Variants in ZDHHC17 observed in about 807,000 individuals in gnomAD.
ZDHHC17 encodes the protein palmitoyltransferase ZDHHC17.
In ZDHHC17, 40 loss-of-function variants were observed where a neutral mutation model predicts 90.3. The observed-to-expected ratio is 0.44, with a 90% confidence interval of 0.34 to 0.58. The LOEUF (loss-of-function observed/expected upper bound fraction) is 0.58. Among genes scored for constraint, ZDHHC17 ranks in the 20% least tolerant of loss-of-function variants. The pLI is 0.01. For missense variants in ZDHHC17, 614 were observed against 780.8 expected, an observed-to-expected ratio of 0.79 and a Z score of 2.55; for synonymous variants, 235 against 252.4, an observed-to-expected ratio of 0.93 and a Z score of 0.65.
intron 7 of ZDHHC17, among the ~76,000 whole-genome samples, chr12:76,821,336 G>A (rs1953160841): frequency 6.6e-6 from 1 of 152,054 alleles, no homozygotes; most frequent in African/African-American, 2.4e-5. Context: ...GATTGGTTGG[G>A]CTTTTTGTTG....
At chr12:76,774,167 T>C (rs933773952) in intron 1 of ZDHHC17, among the ~76,000 whole-genome samples, 1 of 152,100 alleles carries the variant, frequency 6.6e-6, no homozygotes, top group Admixed American at 6.5e-5. Flanking sequence ...GGAGGATTGC[T>C]TGAACCCAGG....
intron 2 of ZDHHC17, 34 bp from the exon 3 acceptor site, chr12:76,805,279 TTAAA>T (rs1199992058): frequency 6.6e-7 from 1 of 1,510,274 alleles, no homozygotes; most frequent in Non-Finnish European, 9.0e-7. Context: ...ACATTTCTTG[TTAAA>T]TAATAACAAT....
intron 1 of ZDHHC17, among the ~76,000 whole-genome samples, chr12:76,766,454 A>T (rs1334494473): frequency 1.3e-5 from 2 of 152,224 alleles, no homozygotes; most frequent in East Asian, 3.8e-4. Context: ...ATCATTTATA[A>T]TGGATAAAAA....
chr12:76,845,099 T>C lies in ZDHHC17; in HGVS notation c.1330-610T>C, dbSNP rs541481037. On this transcript the variant is annotated intron_variant, in intron 12 of 16. Coordinates refer to ENST00000426126, the MANE Select transcript of ZDHHC17 (RefSeq NM_015336.4). ...CTTAAGCATGTTCTGCATTCTTAAA[T>C]ATGGTCATTTCAGCAGGAGAAATGC... 2.0e-5 allele frequency: 3 copies of C among 152,250 alleles called. No homozygotes were observed. In the East Asian group the frequency reaches 5.8e-4, roughly 29 times the overall value. 9.4% of individuals were successfully genotyped at this position (152,250 alleles called of 1,614,324 possible). A position where few individuals can be genotyped will look rare whatever the true frequency, so the allele number is the denominator to read the frequency against.
At chr12:76,807,184 A>G (rs1460776058) in intron 3 of ZDHHC17, among the ~76,000 whole-genome samples, 2 of 152,196 alleles carry the variant, frequency 1.3e-5, no homozygotes, top group Non-Finnish European at 2.9e-5. Flanking sequence ...AAGATTTAAC[A>G]TTATGGTGTA....
At chr12:76,829,455 C>CAAAAAAAAAAAAAAAAAA (rs58051393) in intron 10 of ZDHHC17, among the ~76,000 whole-genome samples, 1 of 71,902 alleles carries the variant, frequency 1.4e-5, no homozygotes, top group African/African-American at 6.4e-5. Context: ...GACTATGTCT[C>CAAAAAAAAAAAAAAAAAA]AAAAAAAAAA....
chr12:76,822,197 G>A (rs890272317), intron 7 of ZDHHC17, among the ~76,000 whole-genome samples: 12 of 152,052 alleles, frequency 7.9e-5, no homozygotes, highest in East Asian at 3.8e-4. Context: ...TAAAATCTAC[G>A]GAATATGATG....
chr12:76,843,057 G>A (rs1953453853), intron 12 of ZDHHC17, 76 bp downstream of exon 12: 2 of 1,114,774 alleles, frequency 1.8e-6, no homozygotes, highest in East Asian at 2.6e-5. Context: ...TATGGGGTGT[G>A]GGGAAAAGGA....
At chr12:76,829,852 A>G (rs887829392) in intron 10 of ZDHHC17, among the ~76,000 whole-genome samples, 1 of 152,050 alleles carries the variant, frequency 6.6e-6, no homozygotes, top group Non-Finnish European at 1.5e-5. Flanking sequence ...CAAAATTTTA[A>G]TTTTTTTAAC....
chr12:76,799,916 G>C (rs1250082438), intron 2 of ZDHHC17, among the ~76,000 whole-genome samples: 1 of 152,122 alleles, frequency 6.6e-6, no homozygotes, highest in Non-Finnish European at 1.5e-5. Context: ...TTTGGGGTGG[G>C]ACTCAAGTCT....
chr12:76,811,412 G>C (rs1023134392), intron 5 of ZDHHC17, among the ~76,000 whole-genome samples: 1 of 152,084 alleles, frequency 6.6e-6, no homozygotes, highest in African/African-American at 2.4e-5. Flanking sequence ...GGAAAGAAAG[G>C]TGGTGTACAT....
chr12:76,820,728 G>A (rs1321981304), intron 7 of ZDHHC17, among the ~76,000 whole-genome samples: 1 of 152,120 alleles, frequency 6.6e-6, no homozygotes, highest in South Asian at 2.1e-4. Context: ...TCAACCTTAC[G>A]TAGGTGAAAT....
At chr12:76,782,082 C>A (rs563335469) in intron 1 of ZDHHC17, among the ~76,000 whole-genome samples, 10 of 152,238 alleles carry the variant, frequency 6.6e-5, no homozygotes, top group Admixed American at 5.9e-4. Flanking sequence ...AACTTTAGCA[C>A]CTCCAGCCTA....
rs1424329532 is a variant in ZDHHC17, at chr12:76,779,798, C to T, written c.93+15469C>T. Among the ~76,000 whole-genome samples the T allele has an allele frequency of 2.6e-5, 4 of 152,186 alleles. No homozygotes were observed. The East Asian group carries it at 7.7e-4, about 29-fold the overall frequency. On this transcript the variant is annotated intron_variant, in intron 1 of 16. Coordinates refer to ENST00000426126, the MANE Select transcript of ZDHHC17 (RefSeq NM_015336.4). Reference sequence around the variant, plus strand: ...CTGTGTTTTTAAGTTTATAATTTTACCTTTAACATTCAAGTTCATGATTAA... The same window carrying T: ...CTGTGTTTTTAAGTTTATAATTTTATCTTTAACATTCAAGTTCATGATTAA...
intron 1 of ZDHHC17, among the ~76,000 whole-genome samples, chr12:76,767,018 CAAA>C (rs375447750): frequency 2.3e-5 from 2 of 85,852 alleles, no homozygotes; most frequent in African/African-American, 3.8e-5. Flanking sequence ...GATTATGTCT[CAAA>C]AAAAAAAAAA....
intron 1 of ZDHHC17, among the ~76,000 whole-genome samples, chr12:76,784,601 C>T (rs981644773): frequency 2.0e-5 from 3 of 152,248 alleles, no homozygotes; most frequent in Middle Eastern, 3.4e-3. Flanking sequence ...GAAACAGTAA[C>T]GAACACCATA....
intron 1 of ZDHHC17, among the ~76,000 whole-genome samples, chr12:76,766,840 C>T (rs1952436860): frequency 1.3e-5 from 2 of 151,762 alleles, no homozygotes; most frequent in Non-Finnish European, 2.9e-5. Context: ...GGCAACATGG[C>T]AAAACTCTGT....
intron 10 of ZDHHC17, among the ~76,000 whole-genome samples, chr12:76,831,794 A>G (rs1157110328): frequency 6.6e-6 from 1 of 152,108 alleles, no homozygotes. Context: ...CTACAGGCAC[A>G]AGCCACCATG....
chr12:76,786,923 GT>G (rs1435280480), intron 1 of ZDHHC17, among the ~76,000 whole-genome samples: 1 of 152,142 alleles, frequency 6.6e-6, no homozygotes, highest in Non-Finnish European at 1.5e-5. Flanking sequence ...CGAAGATGGG[GT>G]TTTTGCACTT....
Sources: allele counts gnomAD v4.1 joint callset (sites outside exome capture counted in the v4.1 genomes callset), GRCh38; gene constraint gnomAD v4.1.1; transcripts MANE v1.5; gene names NCBI Gene and HGNC (gene_info 2026-07-23, HGNC 2026-07-21).